Variants in LEMD3 observed in about 807,000 individuals in gnomAD.
The protein encoded by LEMD3 is inner nuclear membrane protein Man1.
Under a neutral mutation model 95.2 loss-of-function variants are expected in LEMD3, and 33 were observed. The observed-to-expected ratio is 0.35, with a 90% CI of 0.26 to 0.46. The LOEUF is 0.46. Ranked by LOEUF, LEMD3 falls within the 20% of genes least tolerant of loss-of-function variation. The probability of loss-of-function intolerance (pLI) is 1.00; values close to 1 mark genes in which losing one functional copy is unlikely to be tolerated. For missense variants in LEMD3, 1,210 were observed against 1,192.8 expected (o/e 1.01, Z -0.21); for synonymous variants, 525 against 474.6 (o/e 1.11, Z -1.38).
At chr12:65,220,538 G>GTT (rs200010890) in intron 4 of LEMD3, among the ~76,000 whole-genome samples, 1 of 150,838 alleles carries the variant, frequency 6.6e-6, no homozygotes, top group Non-Finnish European at 1.5e-5. Flanking sequence ...TGTATTCACT[G>GTT]TTTTTTTTTA....
At chr12:65,222,604 T>G (rs1293652555) in intron 4 of LEMD3, among the ~76,000 whole-genome samples, 1 of 152,166 alleles carries the variant, frequency 6.6e-6, no homozygotes, top group African/African-American at 2.4e-5. Context: ...TTTCAAAAAA[T>G]CAACTCTCAG....
rs529207946 is a variant in LEMD3 at position 65,218,975 on chromosome 12, A to G, written c.1695+356A>G. On this transcript the variant is annotated intron_variant, in intron 4 of 12. Transcript: ENST00000308330. ...AGCTAATGTTTTTTGTATTTTTAGTAGAGATGGAGTTTCACTATGTTGGCC... is the reference window on the plus strand; with the variant it reads ...AGCTAATGTTTTTTGTATTTTTAGTGGAGATGGAGTTTCACTATGTTGGCC... Among the ~76,000 whole-genome samples, 20 of 152,158 alleles carry G rather than the reference A, an allele frequency of 1.3e-4. 1 individual carries two copies. In the South Asian group the frequency reaches 4.1e-3, roughly 32 times the overall value.
chr12:65,240,048 A>T lies in LEMD3; in HGVS notation c.2023+18A>T. ...GATTATAGGTATGATATTTGTAAGA[A>T]TCTCAACTATTTCTAGAAGAGTCAT... On this transcript the variant is annotated intron_variant, in intron 7 of 12. Coordinates refer to ENST00000308330, the MANE Select transcript of LEMD3 (RefSeq NM_014319.5). 1 of 1,565,790 alleles carries T rather than the reference A, an allele frequency of 6.4e-7. No individual in the cohort carries two copies. The highest frequency in any genetic ancestry group is 8.8e-7 in the Non-Finnish European group (1 of 1,136,148).
At chr12:65,185,810 T>A (rs1869043538) in intron 1 of LEMD3, among the ~76,000 whole-genome samples, 1 of 151,942 alleles carries the variant, frequency 6.6e-6, no homozygotes, top group South Asian at 2.1e-4. Flanking sequence ...TTGTACAAGA[T>A]CTTGATTAAC....
At chr12:65,244,925 T>C (rs761301751) in intron 10 of LEMD3, among the ~76,000 whole-genome samples, 2 of 151,850 alleles carry the variant, frequency 1.3e-5, no homozygotes, top group Non-Finnish European at 2.9e-5. Context: ...CACTCCAGCC[T>C]GGGTGACAAA....
intron 10 of LEMD3, 97 bp downstream of exon 10, chr12:65,243,566 T>C: frequency 1.3e-6 from 1 of 794,040 alleles, no homozygotes; most frequent in Non-Finnish European, 2.3e-6. Context: ...TAATTGAAAA[T>C]GTTTTTCTTC....
intron 4 of LEMD3, among the ~76,000 whole-genome samples, chr12:65,234,484 C>T (rs1319189913): frequency 6.6e-6 from 1 of 152,086 alleles, no homozygotes; most frequent in African/African-American, 2.4e-5. Context: ...TTTTCTAATA[C>T]TCTAGAATGC....
At chr12:65,172,170 C>A (rs942038905) in intron 1 of LEMD3, among the ~76,000 whole-genome samples, 3 of 152,062 alleles carry the variant, frequency 2.0e-5, no homozygotes, top group African/African-American at 7.2e-5. Flanking sequence ...TCTGAACTTT[C>A]CTAATCTATA....
Position 65,169,956 on chromosome 12 carries a change from A to G in LEMD3, c.360A>G (p.Gly120=). 1 of 1,459,180 alleles carries G rather than the reference A, an allele frequency of 6.9e-7. No homozygotes were observed. The highest frequency in any genetic ancestry group is 9.0e-7 in the Non-Finnish European group (1 of 1,115,546). The allele number at this position is 1,459,180 out of a possible 1,614,324, so 90.4% of individuals were successfully genotyped here. Residue 120 remains glycine (G), a synonymous_variant, in exon 1 of 13, where the codon GGA becomes GGG. Transcript: ENST00000308330. ...CCTCTGGCCCAGAGAGCCTCCTGGGAGGGCCCGGGGGCGCCTCCGCCGCCC... is the reference window on the plus strand; with the variant it reads ...CCTCTGGCCCAGAGAGCCTCCTGGGGGGGCCCGGGGGCGCCTCCGCCGCCC... ...ISASGPESLL[G]GPGGASAAPA... is the part of the protein sequence containing the mutation.
chr12:65,189,538 C>T (rs377430039), intron 1 of LEMD3, among the ~76,000 whole-genome samples: 4 of 152,128 alleles, frequency 2.6e-5, no homozygotes, highest in Non-Finnish European at 4.4e-5. Flanking sequence ...GCCTGTAGGG[C>T]GTCAGAAACC....
intron 1 of LEMD3, among the ~76,000 whole-genome samples, chr12:65,189,393 C>G (rs533313557): frequency 2.6e-4 from 40 of 152,274 alleles, no homozygotes; most frequent in South Asian, 1.7e-3. Flanking sequence ...GGCAGTTGGT[C>G]AAGGTTTCTA....
chr12:65,240,768 A>G (rs1592463468), intron 8 of LEMD3, 141 bp from the exon 9 acceptor site: 5 of 714,458 alleles, frequency 7.0e-6, no homozygotes, highest in Middle Eastern at 3.4e-4. Context: ...GAGATGAGAT[A>G]TAGGCATCTA....
chr12:65,194,892 TAAAATAAA>T (rs1397331367), intron 1 of LEMD3, among the ~76,000 whole-genome samples: 269 of 34,548 alleles, frequency 7.8e-3, no homozygotes, highest in African/African-American at 0.033. Context: ...TTTATAAAAT[TAAAATAAA>T]ATAATTATTA....
chr12:65,181,061 GC>G (rs1451437647), intron 1 of LEMD3, among the ~76,000 whole-genome samples: 1 of 150,204 alleles, frequency 6.7e-6, no homozygotes, highest in Non-Finnish European at 1.5e-5. Flanking sequence ...TACAAAGGAT[GC>G]TTTTGCTCTG....
At chr12:65,193,855 C>T (rs964190739) in intron 1 of LEMD3, among the ~76,000 whole-genome samples, 2 of 151,980 alleles carry the variant, frequency 1.3e-5, no homozygotes, top group East Asian at 3.9e-4. Context: ...CTGGACGTTG[C>T]ACTTTCACTT....
rs1389248200 is a variant in LEMD3, at chr12:65,181,767, G to A, written c.1522+10649G>A. On this transcript the variant is annotated intron_variant, in intron 1 of 12. Coordinates refer to ENST00000308330, the MANE Select transcript of LEMD3 (RefSeq NM_014319.5). ...TTTTATTTTTTGCAGGTTTTTAGGA[G>A]TAATTTTTAAAAAAGGAAGAGACAT... Among the ~76,000 whole-genome samples the A allele has an allele frequency of 5.3e-5, 8 of 152,078 alleles. No individual in the cohort carries two copies. In the South Asian group the frequency reaches 1.2e-3, roughly 24 times the overall value.
chr12:65,187,990 T>G (rs1481736046), intron 1 of LEMD3, among the ~76,000 whole-genome samples: 1 of 152,170 alleles, frequency 6.6e-6, no homozygotes. Context: ...TTTCACTGTT[T>G]ATTTAAAATG....
chr12:65,171,363 A>G (rs1022229084), intron 1 of LEMD3: 4 of 543,056 alleles, frequency 7.4e-6, no homozygotes, highest in East Asian at 3.9e-5. Context: ...TTAAAAGAAT[A>G]TTATAAGCTT....
At chr12:65,208,842 T>G (rs963027318) in intron 1 of LEMD3, among the ~76,000 whole-genome samples, 6 of 152,162 alleles carry the variant, frequency 3.9e-5, no homozygotes, top group African/African-American at 1.4e-4. Context: ...TTGGCTTTTT[T>G]AGGTATGTTA....
Sources: gnomAD v4.1 joint callset for allele counts (sites outside exome capture counted in the v4.1 genomes callset) on GRCh38, gnomAD v4.1.1 for gene constraint, MANE v1.5 for transcripts, NCBI Gene and HGNC (gene_info 2026-07-23, HGNC 2026-07-21) for gene names.